The following PKD1L1 variants were observed in gnomAD, a reference collection of about 807,000 sequenced individuals.
PKD1L1 encodes the protein polycystin-1-like protein 1.
In PKD1L1, 236 loss-of-function variants were observed where a neutral mutation model predicts 323.4. The ratio of observed to expected loss-of-function variants is 0.73; its 90% CI spans 0.66 to 0.81. The LOEUF is 0.81. Ranked by LOEUF, PKD1L1 falls within the 40% of genes least tolerant of loss-of-function variation. The pLI, the probability that PKD1L1 is intolerant of heterozygous loss-of-function variation, is 0.00. For synonymous variants in PKD1L1, 1,344 were observed against 1,335.0 expected (o/e 1.01, Z -0.15); for missense variants, 3,320 against 3,508.0 (o/e 0.95, Z 1.35).
intron 2 of PKD1L1, among the ~76,000 whole-genome samples, chr7:47,941,526 G>A (rs1281102965): frequency 1.3e-5 from 2 of 152,318 alleles, no homozygotes; most frequent in Admixed American, 1.3e-4. Flanking sequence ...ACTGTCAAGA[G>A]TCCAGTGTAT....
In PKD1L1 at chr7:47,931,929, T is replaced by C. The variant is rs1562995908; in HGVS notation, c.519+7A>G. 9.3e-6 allele frequency: 15 copies of C among 1,609,390 alleles called. No homozygotes were observed. In the South Asian group the frequency reaches 1.0e-4, roughly 11 times the overall value. ...ATGAAATTCAATTGCAGGGGTTAGATACCAACCTGGAGAAGAGCAGAGAAT... is the reference window on the plus strand; with the variant it reads ...ATGAAATTCAATTGCAGGGGTTAGACACCAACCTGGAGAAGAGCAGAGAAT... On this transcript the variant is annotated splice_region_variant and intron_variant, in intron 5 of 56. Transcript: ENST00000289672.
Position 47,888,085 on chromosome 7 carries a change from A to T in PKD1L1, c.2741T>A (p.Leu914His). The change falls in exon 17 of 57, where the codon CTT becomes CAT. Residue 914 changes from leucine (L) to histidine (H), a missense_variant. By Grantham distance (99) the Leu-to-His change is moderately conservative. Transcript: ENST00000289672. The part of the protein sequence containing the change: ...TFVNWNDELS[L>H]QAMCEDCSEI... Reference sequence around the variant, plus strand: ...ACTGCAGTCCTCACACATAGCTTGAAGAGAGAGTTCGTCATTCCAGTTGAC... The same window carrying T: ...ACTGCAGTCCTCACACATAGCTTGATGAGAGAGTTCGTCATTCCAGTTGAC... 6.2e-7 allele frequency: 1 copy of T among 1,614,056 alleles called. No individual in the cohort carries two copies. The highest frequency in any genetic ancestry group is 8.5e-7 in the Non-Finnish European group (1 of 1,179,932).
chr7:47,803,117 G>A, intron 53 of PKD1L1, 93 bp downstream of exon 53: 1 of 1,500,506 alleles, frequency 6.7e-7, no homozygotes, highest in South Asian at 1.2e-5. Flanking sequence ...GTTTAACCTT[G>A]AGAGCAGTTT....
chr7:47,876,789 A>T (rs1786414219), intron 22 of PKD1L1, among the ~76,000 whole-genome samples: 4 of 151,300 alleles, frequency 2.6e-5, no homozygotes, highest in South Asian at 4.2e-4. Flanking sequence ...CTTTTTTTAA[A>T]TTTTTTTTTG....
At chr7:47,819,632 A>G in intron 46 of PKD1L1, 1 of 1,260,536 alleles carries the variant, frequency 7.9e-7, no homozygotes, top group South Asian at 1.2e-5. Context: ...TCACTATTAC[A>G]ATGCTCAGCA....
upstream of PKD1L1, among the ~76,000 whole-genome samples, chr7:47,952,049 T>C (rs957861434): frequency 3.9e-5 from 6 of 152,204 alleles, no homozygotes; most frequent in Admixed American, 3.9e-4. Context: ...TTGAGGCAGC[T>C]TGTGGACCTC....
At chr7:47,920,779 C>T (rs974026274) in intron 7 of PKD1L1, among the ~76,000 whole-genome samples, 1 of 152,066 alleles carries the variant, frequency 6.6e-6, no homozygotes, top group South Asian at 2.1e-4. Context: ...CAAACAAAAA[C>T]ATAAAGTGGG....
intron 8 of PKD1L1, among the ~76,000 whole-genome samples, chr7:47,914,035 TAAAG>T (rs981496887): frequency 2.0e-5 from 3 of 152,018 alleles, no homozygotes; most frequent in Non-Finnish European, 4.4e-5. Flanking sequence ...AAATTGGTGA[TAAAG>T]AAGAGAGAAG....
chr7:47,906,154 T>C (rs1787202823), intron 9 of PKD1L1, among the ~76,000 whole-genome samples, 192 bp from the exon 10 acceptor site: 1 of 152,246 alleles, frequency 6.6e-6, no homozygotes, highest in Non-Finnish European at 1.5e-5. Flanking sequence ...ATTTCTGTCA[T>C]TAAATTTTTC....
chr7:47,927,705 G>C (rs1451200628), intron 7 of PKD1L1, among the ~76,000 whole-genome samples: 1 of 152,178 alleles, frequency 6.6e-6, no homozygotes, highest in Non-Finnish European at 1.5e-5. Context: ...TAAAACTTCA[G>C]AAAGATACTG....
intron 47 of PKD1L1, among the ~76,000 whole-genome samples, chr7:47,815,076 C>T (rs1784986006): frequency 6.6e-6 from 1 of 152,114 alleles, no homozygotes. Flanking sequence ...GCCCTTGTGT[C>T]TATCTCAGGC....
Position 47,854,952 on chromosome 7 carries a change from C to A in PKD1L1, c.4789G>T (p.Glu1597Ter), listed in dbSNP as rs749615535. 2 of 1,613,964 alleles carry A rather than the reference C, an allele frequency of 1.2e-6. No individual in the cohort carries two copies. Among genetic ancestry groups the A allele is most frequent in the South Asian group, 2.2e-5 (2 of 91,002 alleles). ...QFTELSENPQ[E>*]SLQIEIEFSK... The stretch of plus-strand genomic sequence containing the variant: ...AATTCAATTTCTATCTGTAGAGATT[C>A]CTGGGGGTTTTCGGAAAGCTCAGTG... Residue 1597 changes from glutamate (E) to a stop codon, truncating the protein, a stop_gained, in exon 30 of 57, where the codon GAA becomes TAA. Coordinates refer to ENST00000289672, the MANE Select transcript of PKD1L1 (RefSeq NM_138295.5). LOFTEE classifies it high-confidence loss of function.
At chr7:47,783,858 T>C (rs1439896961) in intron 56 of PKD1L1, among the ~76,000 whole-genome samples, 1 of 152,208 alleles carries the variant, frequency 6.6e-6, no homozygotes, top group East Asian at 1.9e-4. Context: ...TTTTACATAT[T>C]CTTTTGGGAA....
chr7:47,830,165 G>C, intron 42 of PKD1L1, 41 bp from the exon 43 acceptor site: 1 of 1,544,944 alleles, frequency 6.5e-7, no homozygotes. Context: ...CCCTCTAAGG[G>C]AGCAGGCCAC....
chr7:47,950,735 G>C (rs2128761031), upstream of PKD1L1, among the ~76,000 whole-genome samples: 1 of 152,136 alleles, frequency 6.6e-6, no homozygotes, highest in Non-Finnish European at 1.5e-5. Flanking sequence ...ATTAGCTTTA[G>C]CTTCTCCATC....
intron 27 of PKD1L1, among the ~76,000 whole-genome samples, chr7:47,858,033 T>C (rs1316130824): frequency 6.6e-6 from 1 of 152,136 alleles, no homozygotes; most frequent in Non-Finnish European, 1.5e-5. Flanking sequence ...TGAGTAATGA[T>C]GATGATTATT....
chr7:47,903,406 G>C (rs1787132620), intron 12 of PKD1L1, among the ~76,000 whole-genome samples: 1 of 152,190 alleles, frequency 6.6e-6, no homozygotes, highest in Non-Finnish European at 1.5e-5. Context: ...AAGGGCTTCT[G>C]GAGCTACCGA....
chr7:47,913,990 G>C (rs1324426375), intron 8 of PKD1L1, among the ~76,000 whole-genome samples: 1 of 152,154 alleles, frequency 6.6e-6, no homozygotes, highest in Non-Finnish European at 1.5e-5. Context: ...AAGCAATTAA[G>C]AAAGGTGAAA....
At chr7:47,896,582 A>G (rs939268578) in intron 14 of PKD1L1, among the ~76,000 whole-genome samples, 2 of 151,908 alleles carry the variant, frequency 1.3e-5, no homozygotes, top group Non-Finnish European at 2.9e-5. Context: ...TACAGGCTCT[A>G]TCTACCTCCC....
Sources: allele counts gnomAD v4.1 joint callset (sites outside exome capture counted in the v4.1 genomes callset), GRCh38; gene constraint gnomAD v4.1.1; transcripts MANE v1.5; gene names NCBI Gene and HGNC (gene_info 2026-07-23, HGNC 2026-07-21).